The following USP47 variants were observed in gnomAD, a reference collection of about 807,000 sequenced individuals.
The protein encoded by USP47 is ubiquitin carboxyl-terminal hydrolase 47.
Under a neutral mutation model 165.1 loss-of-function variants are expected in USP47, and 35 were observed. The observed-to-expected ratio is 0.21, with a 90% CI of 0.16 to 0.28. USP47 has a LOEUF of 0.28. Among genes scored for constraint, USP47 ranks in the 10% least tolerant of loss-of-function variants. The probability of loss-of-function intolerance (pLI) is 1.00; values close to 1 mark genes in which losing one functional copy is unlikely to be tolerated. For missense variants in USP47, 1,277 were observed against 1,607.4 expected (o/e 0.79, Z 3.52); for synonymous variants, 531 against 544.5 (o/e 0.98, Z 0.35).
intron 6 of USP47, 28 bp downstream of exon 6, chr11:11,902,888 T>C (rs1402976129): frequency 6.6e-7 from 1 of 1,514,104 alleles, no homozygotes; most frequent in African/African-American, 1.4e-5. Context: ...ATGATAAGCG[T>C]TCTAATATTC....
chr11:11,903,722 A>T (rs1274738735), intron 7 of USP47, among the ~76,000 whole-genome samples: 2 of 152,196 alleles, frequency 1.3e-5, no homozygotes, highest in African/African-American at 4.8e-5. Flanking sequence ...GTCATGAAGC[A>T]TTACCTTTAT....
Position 11,960,325 on chromosome 11 carries a change from C to G in USP47, c.*4150C>G, listed in dbSNP as rs1306932664. Among the ~76,000 whole-genome samples, 1 of 152,180 alleles carries G rather than the reference C, an allele frequency of 6.6e-6. No homozygotes were observed. The highest frequency in any genetic ancestry group is 1.5e-5 in the Non-Finnish European group (1 of 68,036). On this transcript the variant is annotated 3_prime_UTR_variant, in exon 28 of 28. Coordinates refer to ENST00000527733, the MANE Select transcript of USP47 (RefSeq NM_001282659.2). ...GTTACTGTCCCCTTGTGCCTGGTCA[C>G]TAGTAACTTTTTTGTAGACATGAAG...
intron 24 of USP47, chr11:11,952,206 TAGA>T (rs1856269875): frequency 6.6e-6 from 1 of 152,322 alleles, no homozygotes; most frequent in African/African-American, 2.4e-5. Flanking sequence ...ACTGAATCAG[TAGA>T]AGTTCTTCTT....
chr11:11,937,064 A>G (rs923278190), intron 17 of USP47, among the ~76,000 whole-genome samples: 2 of 151,798 alleles, frequency 1.3e-5, no homozygotes, highest in African/African-American at 4.8e-5. Context: ...ACATTCACTC[A>G]GCACATTGAG....
At chr11:11,888,366 C>T (rs774342273) in intron 3 of USP47, among the ~76,000 whole-genome samples, 4 of 151,824 alleles carry the variant, frequency 2.6e-5, no homozygotes, top group Non-Finnish European at 5.9e-5. Flanking sequence ...CAATCAGAAA[C>T]GATAAGGGGG....
chr11:11,872,879 T>C (rs1322730017), intron 1 of USP47, among the ~76,000 whole-genome samples: 1 of 152,192 alleles, frequency 6.6e-6, no homozygotes, highest in Non-Finnish European at 1.5e-5. Flanking sequence ...AATAGCAGAT[T>C]AGTTAAATTA....
intron 8 of USP47, among the ~76,000 whole-genome samples, chr11:11,916,876 A>G (rs72857613): frequency 0.13 from 19,549 of 152,070 alleles, 1,604 homozygotes; most frequent in Middle Eastern, 0.39. Context: ...GAGGCCAGTC[A>G]CAGTGGCTCA....
intron 5 of USP47, 110 bp downstream of exon 5, chr11:11,897,803 A>G (rs1488456431): frequency 1.4e-6 from 1 of 692,936 alleles, no homozygotes; most frequent in African/African-American, 1.8e-5. Flanking sequence ...CATTTCTCAC[A>G]CCATAAGATA....
intron 1 of USP47, among the ~76,000 whole-genome samples, chr11:11,854,060 A>G (rs139957752): frequency 0.043 from 5,551 of 128,206 alleles, 321 homozygotes; most frequent in Middle Eastern, 0.19. Flanking sequence ...GCGTGAACCC[A>G]GAAGGTGGAG....
chr11:11,850,306 AT>A (rs569624107), intron 1 of USP47, among the ~76,000 whole-genome samples: 3 of 139,368 alleles, frequency 2.2e-5, no homozygotes, highest in Non-Finnish European at 3.1e-5. Flanking sequence ...ATTTCTTTAC[AT>A]TTTTTTTCTT....
At chr11:11,883,897 C>T (rs1029524693) in intron 2 of USP47, among the ~76,000 whole-genome samples, 8 of 152,140 alleles carry the variant, frequency 5.3e-5, no homozygotes, top group Admixed American at 2.0e-4. Flanking sequence ...AAATAGGTAT[C>T]ATTTACTGGG....
intron 2 of USP47, 125 bp from the exon 3 acceptor site, chr11:11,884,342 T>C (rs1354391168): frequency 2.9e-6 from 2 of 682,080 alleles, no homozygotes; most frequent in Non-Finnish European, 4.7e-6. Flanking sequence ...ATTCCAAGCC[T>C]AGATGAAGAG....
In USP47 at chr11:11,863,446, G is replaced by T. The variant is rs574473585; in HGVS notation, c.40-16731G>T. Among the ~76,000 whole-genome samples the T allele has an allele frequency of 2.0e-5, 3 of 152,222 alleles. No individual in the cohort carries two copies. In the South Asian group the frequency reaches 6.2e-4, roughly 32 times the overall value. On this transcript the variant is annotated intron_variant, in intron 1 of 27. Transcript: ENST00000527733. ...GTTCAGTCAGATTTTTAAAAAATAT[G>T]ATCAGACTTGTCATATTTAAGAACA...
chr11:11,894,865 C>T, intron 4 of USP47, among the ~76,000 whole-genome samples: 1 of 152,116 alleles, frequency 6.6e-6, no homozygotes, highest in East Asian at 1.9e-4. Flanking sequence ...ATTTACAGTA[C>T]TACTGGCACC....
At chr11:11,857,369 A>G (rs1849107836) in intron 1 of USP47, among the ~76,000 whole-genome samples, 1 of 152,174 alleles carries the variant, frequency 6.6e-6, no homozygotes, top group Non-Finnish European at 1.5e-5. Context: ...GTGAAAAATT[A>G]TATATTTAAC....
intron 8 of USP47, among the ~76,000 whole-genome samples, chr11:11,907,088 C>T (rs945577554): frequency 6.6e-6 from 1 of 152,096 alleles, no homozygotes; most frequent in African/African-American, 2.4e-5. Context: ...TATAATTGCT[C>T]AGCTAAATCT....
chr11:11,926,275 T>C (rs181278510), intron 11 of USP47, among the ~76,000 whole-genome samples: 46 of 152,308 alleles, frequency 3.0e-4, no homozygotes, highest in African/African-American at 1.1e-3. Flanking sequence ...CTTCAAATGT[T>C]TGATAAAATT....
At chr11:11,859,287 A>G (rs1206616926) in intron 1 of USP47, among the ~76,000 whole-genome samples, 1 of 152,198 alleles carries the variant, frequency 6.6e-6, no homozygotes, top group Non-Finnish European at 1.5e-5. Context: ...ACTGGTAATA[A>G]TGTTAACATG....
At chr11:11,873,798 AG>A in intron 1 of USP47, 1 of 1,468,758 alleles carries the variant, frequency 6.8e-7, no homozygotes, top group Non-Finnish European at 9.0e-7. Flanking sequence ...TATATACCAT[AG>A]GATGTGTTTT....
Sources: gnomAD v4.1 joint callset for allele counts (sites outside exome capture counted in the v4.1 genomes callset) on GRCh38, gnomAD v4.1.1 for gene constraint, MANE v1.5 for transcripts, NCBI Gene and HGNC (gene_info 2026-07-23, HGNC 2026-07-21) for gene names.